The following METTL25 variants were observed in gnomAD, a reference collection of about 807,000 sequenced individuals.
METTL25 encodes the protein probable methyltransferase-like protein 25.
Under a neutral mutation model 71.6 loss-of-function variants are expected in METTL25, and 64 were observed. The ratio of observed to expected loss-of-function variants is 0.89; its 90% CI spans 0.73 to 1.10. The LOEUF (loss-of-function observed/expected upper bound fraction) is 1.10. Ranked by LOEUF, METTL25 falls within the 50% of genes least tolerant of loss-of-function variation. The probability of loss-of-function intolerance (pLI) is 0.00; values close to 1 mark genes in which losing one functional copy is unlikely to be tolerated. For missense variants in METTL25, 807 were observed against 707.0 expected (o/e 1.14, Z -1.60); for synonymous variants, 287 against 250.3 (o/e 1.15, Z -1.38).
intron 1 of METTL25, among the ~76,000 whole-genome samples, chr12:82,367,299 T>A (rs1290349306): frequency 6.6e-6 from 1 of 152,236 alleles, no homozygotes; most frequent in Admixed American, 6.5e-5. Context: ...CATTAAACTT[T>A]CCTTGTAAGC....
In METTL25 at chr12:82,455,127, T is replaced by A. The variant is rs142564848; in HGVS notation, c.1479-1600T>A. On this transcript the variant is annotated intron_variant, in intron 8 of 11. Coordinates refer to ENST00000248306, the MANE Select transcript of METTL25 (RefSeq NM_032230.3). ...AAAATTGGAGCCAGAATAACTGGCT[T>A]ATGGGAAAAACTTAAGTGCTTGTCC... Among the ~76,000 whole-genome samples the A allele has an allele frequency of 2.5e-3, 384 of 151,638 alleles. 2 individuals are homozygous for A. The highest frequency in any genetic ancestry group is 8.8e-3 in the African/African-American group (363 of 41,416).
At chr12:82,430,478 A>C (rs1889392352) in intron 5 of METTL25, among the ~76,000 whole-genome samples, 1 of 151,698 alleles carries the variant, frequency 6.6e-6, no homozygotes, top group Non-Finnish European at 1.5e-5. Context: ...GTTAGGAATG[A>C]ATTTATATTG....
chr12:82,438,673 G>GTT (rs199570487), intron 7 of METTL25, 45 bp from the exon 8 acceptor site: 1 of 1,240,362 alleles, frequency 8.1e-7, no homozygotes, highest in Non-Finnish European at 1.1e-6. Flanking sequence ...TTTTATTTCT[G>GTT]TTTTTTTTGT....
rs544376316 is a variant in METTL25 at position 82,372,164 on chromosome 12, G to A, written c.259+13340G>A. On this transcript the variant is annotated intron_variant, in intron 1 of 11. Coordinates refer to ENST00000248306, the MANE Select transcript of METTL25 (RefSeq NM_032230.3). ...CTAAAGGTTTGCCCTAGACCCTGTA[G>A]GACATCCATATACCTATCAGGATCA... Among the ~76,000 whole-genome samples, 14 of 152,292 alleles carry A rather than the reference G, an allele frequency of 9.2e-5. No homozygotes were observed. In the East Asian group the frequency reaches 2.7e-3, roughly 29 times the overall value.
At chr12:82,362,137 C>T (rs1882016798) in intron 1 of METTL25, among the ~76,000 whole-genome samples, 1 of 152,214 alleles carries the variant, frequency 6.6e-6, no homozygotes, top group Non-Finnish European at 1.5e-5. Flanking sequence ...CAGTAGGTTT[C>T]ATGTGCCAGG....
chr12:82,368,038 C>G (rs1205494296), intron 1 of METTL25, among the ~76,000 whole-genome samples: 14 of 152,056 alleles, frequency 9.2e-5, no homozygotes. Context: ...ACGTAGTGTG[C>G]AAATGAGTAG....
Position 82,422,660 on chromosome 12 carries a change from C to T in METTL25, c.1280-8233C>T, listed in dbSNP as rs541608294. ...ATTTAGAAAACCCCATCATCTCAGC[C>T]CAAAATCTCCCTAAGGTGATAAGCA... is the stretch of plus-strand genomic sequence containing the variant. On this transcript the variant is annotated intron_variant, in intron 5 of 11. Coordinates refer to ENST00000248306, the MANE Select transcript of METTL25 (RefSeq NM_032230.3). 5.9e-5 allele frequency among the ~76,000 whole-genome samples: 9 copies of T among 152,172 alleles called. No individual in the cohort carries two copies. In the East Asian group the frequency reaches 1.7e-3, roughly 29 times the overall value.
chr12:82,399,806 T>G (rs1197677910), intron 4 of METTL25, among the ~76,000 whole-genome samples: 26 of 152,182 alleles, frequency 1.7e-4, no homozygotes, highest in Non-Finnish European at 7.4e-5. Context: ...CTTCTAAGTG[T>G]TCTTCAAAGC....
At chr12:82,377,291 C>G (rs562439515) in intron 1 of METTL25, among the ~76,000 whole-genome samples, 4 of 152,254 alleles carry the variant, frequency 2.6e-5, no homozygotes, top group Non-Finnish European at 5.9e-5. Flanking sequence ...TAGCATATCT[C>G]TAGGATTATG....
chr12:82,470,716 T>C lies in METTL25; in HGVS notation c.1573-5928T>C, dbSNP rs370870973. On this transcript the variant is annotated intron_variant, in intron 9 of 11. Coordinates refer to ENST00000248306, the MANE Select transcript of METTL25 (RefSeq NM_032230.3). ...CTTGTAAATGCCTTCAAACCACTTA[T>C]ATATTTAAAATTGTTTCAGAAAGTT... Among the ~76,000 whole-genome samples, 11 of 152,326 alleles carry C rather than the reference T, an allele frequency of 7.2e-5. 2 individuals are homozygous for C. In the Middle Eastern group the frequency reaches 0.031, roughly 424 times the overall value.
chr12:82,374,894 A>G (rs553622329), intron 1 of METTL25, among the ~76,000 whole-genome samples: 3 of 152,308 alleles, frequency 2.0e-5, no homozygotes, highest in Admixed American at 2.0e-4. Flanking sequence ...AGTGGTCTAG[A>G]GATGAAGGAT....
intron 1 of METTL25, among the ~76,000 whole-genome samples, chr12:82,370,980 TC>T (rs1883172165): frequency 6.6e-6 from 1 of 152,190 alleles, no homozygotes; most frequent in South Asian, 2.1e-4. Flanking sequence ...TGATGGGGGT[TC>T]CCCCAGAGGT....
chr12:82,450,561 A>G (rs1356389396), intron 8 of METTL25, among the ~76,000 whole-genome samples: 1 of 152,064 alleles, frequency 6.6e-6, no homozygotes, highest in Non-Finnish European at 1.5e-5. Context: ...GATACCATTG[A>G]TATTTTTAAG....
chr12:82,478,977 A>T lies in METTL25; in HGVS notation c.1765A>T (p.Lys589Ter), dbSNP rs1196649868. The change falls in exon 12 of 12, where the codon AAA becomes TAA. Residue 589 changes from lysine to a stop codon, truncating the protein, a stop_gained. Transcript: ENST00000248306. LOFTEE classifies it high-confidence loss of function. ...SALVKLFDPV[K>*]SPRCYAVIAL... ...TCTTGTGAAGTTGTTTGATCCCGTGAAATCTCCCAGATGTTATGCTGTTAT... is the reference window on the plus strand; with the variant it reads ...TCTTGTGAAGTTGTTTGATCCCGTGTAATCTCCCAGATGTTATGCTGTTAT... 2 of 1,612,864 alleles carry T rather than the reference A, an allele frequency of 1.2e-6. No homozygotes were observed. The highest frequency in any genetic ancestry group is 1.7e-5 in the Admixed American group (1 of 59,978).
rs1321245555 is a variant in METTL25 at position 82,398,970 on chromosome 12, A to G, written c.707A>G (p.Asn236Ser). 12 of 1,608,480 alleles carry G rather than the reference A, an allele frequency of 7.5e-6. No homozygotes were observed. The highest frequency in any genetic ancestry group is 6.7e-5 in the East Asian group (3 of 44,732). Residue 236 changes from asparagine (N) to serine (S), a missense_variant, in exon 4 of 12, where the codon AAT (asparagine) becomes AGT (serine). Physicochemically the swap from Asn to Ser is conservative, Grantham distance 46. Transcript: ENST00000248306. ...LCHAQSRLDV[N>S]GLALKMAKER... The stretch of plus-strand genomic sequence containing the variant: ...CATGCTCAGTCAAGATTAGATGTCA[A>G]TGGACTAGCATTAAAAATGGCAAAA...
At chr12:82,470,912 C>A (rs17009619) in intron 9 of METTL25, among the ~76,000 whole-genome samples, 1,657 of 152,254 alleles carry the variant, frequency 0.011, 17 homozygotes, top group Middle Eastern at 0.027. Flanking sequence ...TAAAGCTGGG[C>A]ATTAATTTCT....
At position 82,448,013 on chromosome 12, in the gene METTL25, C is replaced by T. The variant is rs76311133; in HGVS notation, c.1479-8714C>T. Among the ~76,000 whole-genome samples, 357 of 152,168 alleles carry T rather than the reference C, an allele frequency of 2.3e-3. 2 individuals are homozygous for T. The highest frequency in any genetic ancestry group is 8.5e-3 in the South Asian group (41 of 4,832). On this transcript the variant is annotated intron_variant, in intron 8 of 11. Transcript: ENST00000248306. ...ATTCACAGTCCAGAAAGATTTTCAC[C>T]ATCCCATTCTTGTTTTTAATGGTAA...
chr12:82,451,817 A>C (rs558922801), intron 8 of METTL25, among the ~76,000 whole-genome samples: 2 of 152,312 alleles, frequency 1.3e-5, no homozygotes, highest in African/African-American at 4.8e-5. Flanking sequence ...ATAGGGAACT[A>C]TAAAATACTT....
chr12:82,422,383 T>A, intron 5 of METTL25, among the ~76,000 whole-genome samples: 1 of 152,170 alleles, frequency 6.6e-6, no homozygotes. Context: ...AATTAGGTAT[T>A]GATGGGACGT....
Sources: allele counts gnomAD v4.1 joint callset (sites outside exome capture counted in the v4.1 genomes callset), GRCh38; gene constraint gnomAD v4.1.1; transcripts MANE v1.5; gene names NCBI Gene and HGNC (gene_info 2026-07-23, HGNC 2026-07-21).